Variants in CHUK observed in about 807,000 individuals in gnomAD.
The protein encoded by CHUK is component of inhibitor of nuclear factor kappa B kinase complex.
A neutral mutation model predicts 104.8 loss-of-function variants in CHUK; 35 were observed. That is an observed-to-expected ratio of 0.33 (90% CI 0.26 to 0.44). The LOEUF (loss-of-function observed/expected upper bound fraction) is 0.44. CHUK is among the 20% of genes least tolerant of loss of function. CHUK has a pLI of 1.00. For missense variants in CHUK, 663 were observed against 902.7 expected (o/e 0.73, Z 3.40); for synonymous variants, 276 against 291.9 (o/e 0.95, Z 0.56).
intron 4 of CHUK, among the ~76,000 whole-genome samples, chr10:100,221,691 G>A (rs1845991412): frequency 6.6e-6 from 1 of 152,148 alleles, no homozygotes; most frequent in East Asian, 1.9e-4. Flanking sequence ...AAGCTGGAGT[G>A]CAGTGGTGCA....
intron 20 of CHUK, chr10:100,190,315 C>T (rs1192939374): frequency 4.2e-5 from 7 of 167,388 alleles, no homozygotes; most frequent in Middle Eastern, 2.9e-3. Context: ...GCCACCATGC[C>T]TGGCCACTGC....
intron 11 of CHUK, among the ~76,000 whole-genome samples, chr10:100,206,998 C>T (rs1845604107): frequency 6.6e-6 from 1 of 150,506 alleles, no homozygotes; most frequent in Non-Finnish European, 1.5e-5. Context: ...AGAGCCCTAT[C>T]CTCAAGAAAG....
chr10:100,195,740 T>C (rs1845310739), intron 16 of CHUK: 1 of 152,226 alleles, frequency 6.6e-6, no homozygotes, highest in Non-Finnish European at 1.5e-5. Flanking sequence ...TGTGATTATA[T>C]AATAGGCCCC....
chr10:100,205,670 G>A (rs930621826), intron 11 of CHUK, among the ~76,000 whole-genome samples: 34 of 152,194 alleles, frequency 2.2e-4, no homozygotes, highest in Non-Finnish European at 4.7e-4. Context: ...GCTCACGCCT[G>A]TAATCCCAGC....
At chr10:100,211,127 CAA>C (rs947244034) in intron 9 of CHUK, among the ~76,000 whole-genome samples, 10 of 152,210 alleles carry the variant, frequency 6.6e-5, no homozygotes, top group African/African-American at 2.2e-4. Flanking sequence ...TTGATGTTTT[CAA>C]AGACACAAAA....
At chr10:100,201,989 A>G in intron 14 of CHUK, 99 bp downstream of exon 14, 2 of 894,918 alleles carry the variant, frequency 2.2e-6, no homozygotes, top group South Asian at 2.7e-5. Context: ...AATTTCAGGA[A>G]TGACATGAAA....
chr10:100,210,091 ATTTT>A (rs11436816), intron 9 of CHUK, among the ~76,000 whole-genome samples: 65 of 121,824 alleles, frequency 5.3e-4, no homozygotes, highest in Admixed American at 8.1e-4. Context: ...TTATTTATTT[ATTTT>A]TTTTTTTTTT....
chr10:100,223,716 C>G (rs1022678983), intron 2 of CHUK, among the ~76,000 whole-genome samples: 12 of 152,096 alleles, frequency 7.9e-5, no homozygotes, highest in Non-Finnish European at 2.9e-5. Context: ...GCCACATAAC[C>G]AAGTTTGAGA....
chr10:100,207,799 T>C (rs1845624162), intron 10 of CHUK, among the ~76,000 whole-genome samples: 1 of 152,166 alleles, frequency 6.6e-6, no homozygotes, highest in Non-Finnish European at 1.5e-5. Context: ...TAATGGACTG[T>C]TAATGGAAAT....
chr10:100,215,214 CAA>C (rs913817319), intron 9 of CHUK, among the ~76,000 whole-genome samples: 61 of 51,580 alleles, frequency 1.2e-3, no homozygotes, highest in African/African-American at 2.4e-3. Flanking sequence ...GGCTCCATAT[CAA>C]AAAAAAAAAA....
At position 100,194,095 on chromosome 10, in the gene CHUK, T is replaced by G. The variant is rs1417939964; in HGVS notation, c.1863A>C (p.Leu621=). The G allele has an allele frequency of 6.2e-7, 1 of 1,613,530 alleles. No individual in the cohort carries two copies. Among genetic ancestry groups the G allele is most frequent in the Middle Eastern group, 1.6e-4 (1 of 6,062 alleles). Residue 621 remains leucine (L), a synonymous_variant, in exon 18 of 21, where the codon CTA becomes CTC. Coordinates refer to ENST00000370397, the MANE Select transcript of CHUK (RefSeq NM_001278.5). ...LLGCKQKIID[L]LPKVEVALSN... The stretch of plus-strand genomic sequence containing the variant: ...TGAGGGCCACTTCCACCTTAGGGAG[T>G]AGATCAATAATCTTCTGCTTACAGC...
At chr10:100,206,621 CAA>C (rs1400376172) in intron 11 of CHUK, among the ~76,000 whole-genome samples, 1 of 152,068 alleles carries the variant, frequency 6.6e-6, no homozygotes, top group African/African-American at 2.4e-5. Flanking sequence ...CTAAATTTGT[CAA>C]AAGTTATCAA....
chr10:100,193,270 G>T, intron 19 of CHUK, 28 bp downstream of exon 19: 1 of 1,612,312 alleles, frequency 6.2e-7, no homozygotes, highest in Non-Finnish European at 8.5e-7. Context: ...TGAAAACACA[G>T]CTATCTATTG....
rs1405909469 is a variant in CHUK, at chr10:100,188,404, A to G, written c.*1194T>C. On this transcript the variant is annotated 3_prime_UTR_variant, in exon 21 of 21. Coordinates refer to ENST00000370397, the MANE Select transcript of CHUK (RefSeq NM_001278.5). Reference sequence around the variant, plus strand: ...CATTTAATACACAAAGTGAAAAACTATTAGAATATAAAAGCATTTCACATT... The same window carrying G: ...CATTTAATACACAAAGTGAAAAACTGTTAGAATATAAAAGCATTTCACATT... 1 of 152,686 alleles carries G rather than the reference A, an allele frequency of 6.5e-6. No individual in the cohort carries two copies. The highest frequency in any genetic ancestry group is 1.5e-5 in the Non-Finnish European group (1 of 68,050). 9.5% of individuals were successfully genotyped at this position (152,686 alleles called of 1,614,324 possible). A position where few individuals can be genotyped will look rare whatever the true frequency, so the allele number is the denominator to read the frequency against.
chr10:100,210,190 C>T (rs944502364), intron 9 of CHUK, among the ~76,000 whole-genome samples: 2 of 149,032 alleles, frequency 1.3e-5, no homozygotes, highest in African/African-American at 4.9e-5. Context: ...CGGGTTCACG[C>T]CATTCTCCTG....
chr10:100,228,976 A>AGCGC (rs150099726), intron 1 of CHUK, among the ~76,000 whole-genome samples: 7 of 135,060 alleles, frequency 5.2e-5, no homozygotes, highest in African/African-American at 1.9e-4. Context: ...ATGGCCTCCA[A>AGCGC]GCGCGCGCGC....
At chr10:100,187,208 T>A (rs995553498), downstream of CHUK, 3 of 152,192 alleles carry the variant, frequency 2.0e-5, no homozygotes, top group African/African-American at 7.2e-5. Flanking sequence ...TTAGGGCCAA[T>A]GAATCTATAA....
intron 9 of CHUK, among the ~76,000 whole-genome samples, chr10:100,216,030 G>A (rs1049722254): frequency 2.0e-5 from 3 of 152,118 alleles, no homozygotes; most frequent in African/African-American, 4.8e-5. Flanking sequence ...AGATATTACT[G>A]TCCTTGAGAT....
chr10:100,207,067 C>A (rs17883729), intron 11 of CHUK, among the ~76,000 whole-genome samples, 163 bp downstream of exon 11: 1 of 152,122 alleles, frequency 6.6e-6, no homozygotes, highest in African/African-American at 2.4e-5. Context: ...ACCTTCCAAA[C>A]TATATAAATC....
Sources: gnomAD v4.1 joint callset for allele counts (sites outside exome capture counted in the v4.1 genomes callset) on GRCh38, gnomAD v4.1.1 for gene constraint, MANE v1.5 for transcripts, NCBI Gene and HGNC (gene_info 2026-07-23, HGNC 2026-07-21) for gene names.